The following ZNF329 variants were observed in gnomAD, a reference collection of about 807,000 sequenced individuals.
The protein encoded by ZNF329 is zinc finger protein 329.
Under a neutral mutation model 26.6 loss-of-function variants are expected in ZNF329, and 15 were observed. The observed-to-expected ratio is 0.56, with a 90% CI of 0.38 to 0.87. The LOEUF is 0.87. Among genes scored for constraint, ZNF329 ranks in the 40% least tolerant of loss-of-function variants. ZNF329 has a pLI of 0.00. For missense variants in ZNF329, 651 were observed against 651.9 expected (o/e 1.00, Z 0.02); for synonymous variants, 239 against 233.5 (o/e 1.02, Z -0.21).
intron 1 of ZNF329, among the ~76,000 whole-genome samples, chr19:58,145,810 A>G (rs2075295258): frequency 1.3e-5 from 2 of 152,132 alleles, no homozygotes; most frequent in Admixed American, 6.6e-5. Context: ...CTTTAACCAC[A>G]TGACAAAAAC....
In ZNF329 at chr19:58,129,062, T is replaced by C; in HGVS notation, c.442A>G (p.Lys148Glu). Residue 148 changes from lysine (K) to glutamate (E), a missense_variant, in exon 4 of 4, where the codon AAA becomes GAA. Physicochemically the swap from Lys to Glu is moderately conservative, Grantham distance 56. Coordinates refer to ENST00000598312, the MANE Select transcript of ZNF329 (RefSeq NM_024620.4). ...AAAGACTTAACACTTTCAGGGTATT[T>C]GTAGGGCTTCTCTCTCACTGGATTT... ...GRNPVREKPY[K>E]YPESVKSFNH... is the part of the protein sequence containing the mutation. 1.9e-6 allele frequency: 3 copies of C among 1,614,034 alleles called. No homozygotes were observed. The highest frequency in any genetic ancestry group is 1.7e-4 in the Middle Eastern group (1 of 6,060).
At chr19:58,136,100 G>A (rs542970677) in intron 3 of ZNF329, among the ~76,000 whole-genome samples, 11 of 151,258 alleles carry the variant, frequency 7.3e-5, no homozygotes, top group Non-Finnish European at 1.6e-4. Flanking sequence ...GCATGGTGGC[G>A]CATGCCTGTA....
chr19:58,128,605 G>A lies in ZNF329; in HGVS notation c.899C>T (p.Ser300Leu). 9 of 1,611,410 alleles carry A rather than the reference G, an allele frequency of 5.6e-6. No homozygotes were observed. Among genetic ancestry groups the A allele is most frequent in the Non-Finnish European group, 7.6e-6 (9 of 1,178,634 alleles). The part of the protein sequence containing the change: ...LECGKTFNRN[S>L]SLILHQRTHT... The stretch of plus-strand genomic sequence containing the variant: ...AGTTCTTTGGTGCAAAATTAAGGAT[G>A]AATTTCGGTTGAAGGTTTTTCCACA... Residue 300 changes from serine to leucine, a missense_variant, in exon 4 of 4, where the codon TCA becomes TTA. Physicochemically the swap from Ser to Leu is moderately radical, Grantham distance 145. Coordinates refer to ENST00000598312, the MANE Select transcript of ZNF329 (RefSeq NM_024620.4).
chr19:58,130,927 A>C (rs1429605526), intron 3 of ZNF329, among the ~76,000 whole-genome samples: 3 of 152,022 alleles, frequency 2.0e-5, no homozygotes, highest in East Asian at 1.9e-4. Context: ...CTGAAGCCTC[A>C]ATCTCAAAAA....
chr19:58,149,591 GAAGA>G (rs936525974), intron 1 of ZNF329, among the ~76,000 whole-genome samples: 6 of 152,190 alleles, frequency 3.9e-5, no homozygotes, highest in Non-Finnish European at 8.8e-5. Flanking sequence ...AAAGTTGGGT[GAAGA>G]GAGAGGTAAA....
chr19:58,126,421 T>TAA lies in ZNF329; in HGVS notation c.*1456_*1457insTT, dbSNP rs1357843478. The stretch of plus-strand genomic sequence containing the variant: ...ACATATTTTTACATGGCTGGAATAA[T>TAA]AGTAAATCTTCTATTTGATGCCCCT... On this transcript the variant is annotated 3_prime_UTR_variant, in exon 4 of 4. Coordinates refer to ENST00000598312, the MANE Select transcript of ZNF329 (RefSeq NM_024620.4). The TAA allele has an allele frequency of 6.6e-6, 1 of 152,342 alleles. No individual in the cohort carries two copies. The highest frequency in any genetic ancestry group is 2.1e-4 in the South Asian group (1 of 4,826). The allele number at this position is 152,342 out of a possible 1,614,324, so 9.4% of individuals were successfully genotyped here.
intron 1 of ZNF329, among the ~76,000 whole-genome samples, chr19:58,147,119 C>G (rs1192787779): frequency 6.7e-6 from 1 of 150,064 alleles, no homozygotes; most frequent in Non-Finnish European, 1.5e-5. Context: ...CGTCTCTGCC[C>G]GGCCGCCCAT....
chr19:58,150,741 T>C lies in ZNF329; in HGVS notation c.-208+11A>G, dbSNP rs1032317116. 1 of 152,718 alleles carries C rather than the reference T, an allele frequency of 6.5e-6. No homozygotes were observed. Among genetic ancestry groups the C allele is most frequent in the Non-Finnish European group, 1.5e-5 (1 of 68,064 alleles). 9.5% of individuals were successfully genotyped at this position (152,718 alleles called of 1,614,324 possible). A position where few individuals can be genotyped will look rare whatever the true frequency, so the allele number is the denominator to read the frequency against. ...AGGCAGCGCAGGGCTCAGGGATGCGTCGGCACTTACGGTTGGCGGCCGGCG... is the reference window on the plus strand; with the variant it reads ...AGGCAGCGCAGGGCTCAGGGATGCGCCGGCACTTACGGTTGGCGGCCGGCG... On this transcript the variant is annotated intron_variant, in intron 1 of 3. Coordinates refer to ENST00000598312, the MANE Select transcript of ZNF329 (RefSeq NM_024620.4).
At chr19:58,133,761 G>T (rs2075004009) in intron 3 of ZNF329, among the ~76,000 whole-genome samples, 2 of 152,030 alleles carry the variant, frequency 1.3e-5, no homozygotes, top group African/African-American at 4.8e-5. Context: ...CACTTTGGGA[G>T]GTCGAGGTGG....
chr19:58,144,396 A>ATATAT (rs756544055), intron 1 of ZNF329, among the ~76,000 whole-genome samples: 129 of 127,708 alleles, frequency 1.0e-3, no homozygotes, highest in Admixed American at 1.2e-3. Context: ...ATATATATAT[A>ATATAT]TTTTTTTTTT....
intron 3 of ZNF329, among the ~76,000 whole-genome samples, chr19:58,130,401 C>T (rs758020787): frequency 4.0e-5 from 6 of 151,682 alleles, no homozygotes; most frequent in African/African-American, 7.3e-5. Flanking sequence ...CGGCCAGGCG[C>T]GGTGGTCACG....
At position 58,129,121 on chromosome 19, in the gene ZNF329, C is replaced by A. The variant is rs780712186; in HGVS notation, c.383G>T (p.Gly128Val). The A allele has an allele frequency of 6.2e-7, 1 of 1,614,004 alleles. No homozygotes were observed. Among genetic ancestry groups the A allele is most frequent in the Non-Finnish European group, 8.5e-7 (1 of 1,180,034 alleles). The change falls in exon 4 of 4, where the codon GGC (glycine) becomes GTC (valine). Residue 128 changes from glycine (G) to valine (V), a missense_variant. Coordinates refer to ENST00000598312, the MANE Select transcript of ZNF329 (RefSeq NM_024620.4). ...RTGDSDACGK[G>V]FNHSMEVIHG... is the part of the protein sequence containing the mutation. ...AATAACTTCCATGGAATGGTTGAAG[C>A]CTTTTCCACAGGCATCACTGTCACC...
chr19:58,139,926 G>A (rs1390766354), intron 3 of ZNF329, among the ~76,000 whole-genome samples: 3 of 152,144 alleles, frequency 2.0e-5, no homozygotes, highest in African/African-American at 7.2e-5. Context: ...ACTTTTCACT[G>A]CCGGTGCAAA....
intron 3 of ZNF329, among the ~76,000 whole-genome samples, chr19:58,129,966 C>A (rs1324055987): frequency 2.6e-5 from 4 of 152,210 alleles, no homozygotes; most frequent in Non-Finnish European, 5.9e-5. Context: ...GTTCTGCATT[C>A]ATGGATAGGA....
At chr19:58,137,569 G>A (rs1397201945) in intron 3 of ZNF329, among the ~76,000 whole-genome samples, 1 of 151,072 alleles carries the variant, frequency 6.6e-6, no homozygotes, top group Non-Finnish European at 1.5e-5. Flanking sequence ...AAAAAAAATC[G>A]CAGCAGAAAT....
intron 3 of ZNF329, among the ~76,000 whole-genome samples, chr19:58,139,575 T>C (rs367825873): frequency 2.6e-5 from 4 of 152,154 alleles, no homozygotes; most frequent in Non-Finnish European, 5.9e-5. Context: ...TGTCTCCTCT[T>C]ATAAGAGCAC....
At chr19:58,151,315 G>A (rs1410534068), upstream of ZNF329, among the ~76,000 whole-genome samples, 2 of 152,202 alleles carry the variant, frequency 1.3e-5, no homozygotes, top group Non-Finnish European at 2.9e-5. Flanking sequence ...TACTGACAGG[G>A]AAGAGAGAAA....
At chr19:58,143,953 C>T (rs756538492) in intron 1 of ZNF329, among the ~76,000 whole-genome samples, 58 of 151,730 alleles carry the variant, frequency 3.8e-4, no homozygotes, top group East Asian at 1.8e-3. Flanking sequence ...TGGTGGCAGG[C>T]GCCCGTAATC....
intron 3 of ZNF329, chr19:58,137,058 TAA>T (rs11355450): frequency 9.2e-4 from 114 of 123,828 alleles, no homozygotes; most frequent in South Asian, 2.0e-3. Context: ...TAAGTACAGA[TAA>T]AAAAAAAAAA....
Sources: allele counts gnomAD v4.1 joint callset (sites outside exome capture counted in the v4.1 genomes callset), GRCh38; gene constraint gnomAD v4.1.1; transcripts MANE v1.5; gene names NCBI Gene and HGNC (gene_info 2026-07-23, HGNC 2026-07-21).